The following GALNT7 variants were observed in gnomAD, a reference collection of about 807,000 sequenced individuals.
GALNT7 encodes polypeptide N-acetylgalactosaminyltransferase 7, also known as N-acetylgalactosaminyltransferase 7.
Under a neutral mutation model 82.1 loss-of-function variants are expected in GALNT7, and 60 were observed. The ratio of observed to expected loss-of-function variants is 0.73; its 90% CI spans 0.59 to 0.91. GALNT7 has a LOEUF of 0.91. Among genes scored for constraint, GALNT7 ranks in the 40% least tolerant of loss-of-function variants. The pLI, the probability that GALNT7 is intolerant of heterozygous loss-of-function variation, is 0.00. For synonymous variants in GALNT7, 243 were observed against 275.1 expected, an observed-to-expected ratio of 0.88 and a Z score of 1.15; for missense variants, 660 against 804.2, an observed-to-expected ratio of 0.82 and a Z score of 2.17.
chr4:173,257,808 T>C (rs190869969), intron 2 of GALNT7, among the ~76,000 whole-genome samples: 189 of 152,314 alleles, frequency 1.2e-3, no homozygotes, highest in South Asian at 2.7e-3. Flanking sequence ...TGATAAGGGC[T>C]CTAGAGAAAG....
chr4:173,187,151 T>C (rs1187673088), intron 1 of GALNT7, among the ~76,000 whole-genome samples: 7 of 152,182 alleles, frequency 4.6e-5, no homozygotes, highest in African/African-American at 7.2e-5. Flanking sequence ...AACAAAATTA[T>C]CTACAACCCA....
At chr4:173,209,745 T>C (rs2126668361) in intron 1 of GALNT7, among the ~76,000 whole-genome samples, 1 of 152,336 alleles carries the variant, frequency 6.6e-6, no homozygotes, top group African/African-American at 2.4e-5. Context: ...TGCCAGTCTA[T>C]CCTTCGCCTG....
chr4:173,299,205 G>C (rs953429357), intron 6 of GALNT7, among the ~76,000 whole-genome samples: 1 of 152,152 alleles, frequency 6.6e-6, no homozygotes, highest in African/African-American at 2.4e-5. Flanking sequence ...ATTTGGGCAT[G>C]TCATGATATC....
At position 173,248,371 on chromosome 4, in the gene GALNT7, T is replaced by A; in HGVS notation, c.518T>A (p.Phe173Tyr). The change falls in exon 2 of 12, where the codon TTT (phenylalanine) becomes TAT (tyrosine). Residue 173 changes from phenylalanine to tyrosine, a missense_variant. Coordinates refer to ENST00000265000, the MANE Select transcript of GALNT7 (RefSeq NM_017423.3). ...KQAIQASIKE[F>Y]GFNMVASDMI... Reference sequence around the variant, plus strand: ...GCAATTCAAGCCAGCATTAAAGAGTTTGGATTTAACATGGTGGCAAGTGAC... The same window carrying A: ...GCAATTCAAGCCAGCATTAAAGAGTATGGATTTAACATGGTGGCAAGTGAC... The A allele has an allele frequency of 6.2e-7, 1 of 1,613,786 alleles. No homozygotes were observed. The highest frequency in any genetic ancestry group is 2.2e-5 in the East Asian group (1 of 44,884).
chr4:173,245,059 G>A (rs538013039), intron 1 of GALNT7, among the ~76,000 whole-genome samples: 53 of 152,210 alleles, frequency 3.5e-4, no homozygotes, highest in African/African-American at 1.3e-3. Context: ...GGTGATACGG[G>A]CTGGGGAAAT....
At chr4:173,244,097 A>G (rs972814996) in intron 1 of GALNT7, among the ~76,000 whole-genome samples, 2 of 152,214 alleles carry the variant, frequency 1.3e-5, no homozygotes, top group African/African-American at 2.4e-5. Context: ...GTCTCTGTAA[A>G]TACATGGTTA....
intron 1 of GALNT7, among the ~76,000 whole-genome samples, chr4:173,171,640 A>G (rs1006003): frequency 0.5 from 76,606 of 152,094 alleles, 19,592 homozygotes; most frequent in East Asian, 0.7. Context: ...TTTCCTTCCC[A>G]TCTCTGGGCC....
Position 173,315,748 on chromosome 4 carries a change from G to C in GALNT7, c.1608+1572G>C, listed in dbSNP as rs1263952738. 4 of 152,264 alleles carry C rather than the reference G, an allele frequency of 2.6e-5. No individual in the cohort carries two copies. In the East Asian group the frequency reaches 5.8e-4, roughly 22 times the overall value. 9.4% of individuals were successfully genotyped at this position (152,264 alleles called of 1,614,324 possible). A position where few individuals can be genotyped will look rare whatever the true frequency, so the allele number is the denominator to read the frequency against. On this transcript the variant is annotated intron_variant, in intron 9 of 11. Coordinates refer to ENST00000265000, the MANE Select transcript of GALNT7 (RefSeq NM_017423.3). The stretch of plus-strand genomic sequence containing the variant: ...CCTTTCAACACACAGATCTCTCTCT[G>C]AGGGCCCAGACAAGTATATCCAACT...
intron 1 of GALNT7, among the ~76,000 whole-genome samples, chr4:173,183,700 C>T (rs1215482104): frequency 1.4e-5 from 2 of 146,992 alleles, no homozygotes; most frequent in Non-Finnish European, 3.0e-5. Context: ...GGCAGAAGCG[C>T]CCCCCCACCT....
At chr4:173,195,582 A>G (rs1409567073) in intron 1 of GALNT7, among the ~76,000 whole-genome samples, 2 of 152,120 alleles carry the variant, frequency 1.3e-5, no homozygotes, top group African/African-American at 4.8e-5. Flanking sequence ...CCCAAAACAT[A>G]TTTCTTCTCT....
chr4:173,291,820 C>T (rs529040592), intron 2 of GALNT7, among the ~76,000 whole-genome samples: 1 of 151,044 alleles, frequency 6.6e-6, no homozygotes, highest in Non-Finnish European at 1.5e-5. Context: ...AGCCAACCAC[C>T]TGATAGCTGT....
rs193099468 is a variant in GALNT7, at chr4:173,271,470, T to C, written c.588-20638T>C. Among the ~76,000 whole-genome samples, 333 of 152,274 alleles carry C rather than the reference T, an allele frequency of 2.2e-3. 2 individuals carry two copies. The highest frequency in any genetic ancestry group is 7.9e-3 in the African/African-American group (327 of 41,534). ...GTTTGTTTATTTATTTATTTATTTA[T>C]TGAGACAGAGTCTTGCTCTGTTGCC... On this transcript the variant is annotated intron_variant, in intron 2 of 11. Transcript: ENST00000265000.
At chr4:173,304,400 T>TA (rs534698751) in intron 8 of GALNT7, among the ~76,000 whole-genome samples, 318 of 144,994 alleles carry the variant, frequency 2.2e-3, no homozygotes, top group Non-Finnish European at 3.4e-3. Flanking sequence ...CCCCATCTCT[T>TA]AAAAAAAAAA....
intron 1 of GALNT7, among the ~76,000 whole-genome samples, chr4:173,234,442 C>T (rs1734143910): frequency 6.6e-6 from 1 of 152,188 alleles, no homozygotes; most frequent in Non-Finnish European, 1.5e-5. Flanking sequence ...TAAAAGGGAA[C>T]TCATCATCTT....
intron 1 of GALNT7, among the ~76,000 whole-genome samples, chr4:173,177,132 G>T (rs916360065): frequency 1.3e-5 from 2 of 152,166 alleles, no homozygotes; most frequent in Non-Finnish European, 2.9e-5. Flanking sequence ...CCTAGAGGGT[G>T]TGAGAAAACG....
chr4:173,278,247 T>A (rs1735986773), intron 2 of GALNT7, among the ~76,000 whole-genome samples: 1 of 152,238 alleles, frequency 6.6e-6, no homozygotes, highest in Admixed American at 6.5e-5. Context: ...GTGTGATAGA[T>A]ACCTCCTGCA....
chr4:173,262,307 G>C (rs183216456), intron 2 of GALNT7, among the ~76,000 whole-genome samples: 1 of 152,246 alleles, frequency 6.6e-6, no homozygotes, highest in East Asian at 1.9e-4. Context: ...CTTTAGTACT[G>C]TTTCTAGTCT....
At chr4:173,277,864 T>C (rs1268366943) in intron 2 of GALNT7, among the ~76,000 whole-genome samples, 1 of 152,206 alleles carries the variant, frequency 6.6e-6, no homozygotes, top group Non-Finnish European at 1.5e-5. Flanking sequence ...ATTGAAAGTA[T>C]TATAACTGAC....
Position 173,179,705 on chromosome 4 carries a change from T to TA in GALNT7, c.126+10745dup, listed in dbSNP as rs545838014. On this transcript the variant is annotated intron_variant, in intron 1 of 11. Coordinates refer to ENST00000265000, the MANE Select transcript of GALNT7 (RefSeq NM_017423.3). ...AGAATTAATACTTGTAGAGAAGTGA[T>TA]ATCATGACAACATCAATGTAGTATC... Among the ~76,000 whole-genome samples the TA allele has an allele frequency of 3.1e-3, 475 of 152,368 alleles. 3 individuals carry two copies. Among genetic ancestry groups the TA allele is most frequent in the African/African-American group, 0.011 (459 of 41,582 alleles).
Sources: allele counts gnomAD v4.1 joint callset (sites outside exome capture counted in the v4.1 genomes callset), GRCh38; gene constraint gnomAD v4.1.1; transcripts MANE v1.5; gene names NCBI Gene and HGNC (gene_info 2026-07-23, HGNC 2026-07-21).